The following DPP10 variants were observed in gnomAD, a reference collection of about 807,000 sequenced individuals.
The protein encoded by DPP10 is dipeptidyl peptidase like 10.
DPP10 carries 33 observed loss-of-function variants against 120.9 expected under a neutral mutation model. That is an observed-to-expected ratio of 0.27 (90% confidence interval 0.21 to 0.37). DPP10 has a LOEUF of 0.37. Ranked by LOEUF, DPP10 falls within the 10% of genes least tolerant of loss-of-function variation. The probability of loss-of-function intolerance (pLI) is 1.00; values close to 1 mark genes in which losing one functional copy is unlikely to be tolerated. For missense variants in DPP10, 816 were observed against 942.8 expected, an observed-to-expected ratio of 0.87 and a Z score of 1.76; for synonymous variants, 337 against 326.1, an observed-to-expected ratio of 1.03 and a Z score of -0.36.
chr2:115,151,360 G>A (rs2051539250), intron 1 of DPP10, among the ~76,000 whole-genome samples: 1 of 150,430 alleles, frequency 6.6e-6, no homozygotes, highest in South Asian at 2.1e-4. Context: ...TACACTATGA[G>A]ATTTTTCAGT....
chr2:114,520,105 G>A (rs888058391), intron 1 of DPP10, among the ~76,000 whole-genome samples: 2 of 152,182 alleles, frequency 1.3e-5, no homozygotes, highest in African/African-American at 4.8e-5. Context: ...TCCCTGGTCA[G>A]GAACAAAGCA....
chr2:115,631,527 G>C (rs2085870998), intron 5 of DPP10, among the ~76,000 whole-genome samples: 1 of 152,044 alleles, frequency 6.6e-6, no homozygotes, highest in African/African-American at 2.4e-5. Flanking sequence ...GCTCTTTCTA[G>C]CTTTTTGATG....
intron 1 of DPP10, among the ~76,000 whole-genome samples, chr2:115,118,807 G>T (rs1386444861): frequency 1.3e-5 from 2 of 151,042 alleles, no homozygotes; most frequent in Admixed American, 1.3e-4. Flanking sequence ...TAGAGATGGG[G>T]TTTCACCATG....
At chr2:114,569,450 C>CT (rs34013935) in intron 1 of DPP10, among the ~76,000 whole-genome samples, 29,440 of 152,070 alleles carry the variant, frequency 0.19, 2,963 homozygotes, top group Non-Finnish European at 0.21. Context: ...AGCAAATGTG[C>CT]TTTTAACTTA....
chr2:114,997,944 G>A (rs1574660538), intron 1 of DPP10, among the ~76,000 whole-genome samples: 1 of 152,244 alleles, frequency 6.6e-6, no homozygotes, highest in East Asian at 1.9e-4. Context: ...TAGTTTGAGG[G>A]TAACTTTATG....
chr2:115,677,385 A>G (rs995689884), intron 5 of DPP10, among the ~76,000 whole-genome samples: 1 of 148,646 alleles, frequency 6.7e-6, no homozygotes, highest in African/African-American at 2.5e-5. Context: ...AAAACACTAG[A>G]AAACAATGTA....
At chr2:114,897,801 T>C (rs372911355) in intron 1 of DPP10, among the ~76,000 whole-genome samples, 9 of 152,122 alleles carry the variant, frequency 5.9e-5, no homozygotes, top group South Asian at 4.2e-4. Flanking sequence ...CAATGAGATA[T>C]CATCTCACAC....
At chr2:115,812,507 A>C (rs1298620671) in intron 19 of DPP10, among the ~76,000 whole-genome samples, 1 of 152,238 alleles carries the variant, frequency 6.6e-6, no homozygotes, top group Non-Finnish European at 1.5e-5. Flanking sequence ...TTCCAGGCTT[A>C]CTTCTGAATG....
At chr2:115,162,992 C>T (rs551951013) in intron 1 of DPP10, among the ~76,000 whole-genome samples, 1 of 151,988 alleles carries the variant, frequency 6.6e-6, no homozygotes, top group Non-Finnish European at 1.5e-5. Context: ...TTAGGAACTC[C>T]GGGCAGAGAG....
Position 115,346,465 on chromosome 2 carries a change from A to T in DPP10, c.271+2553A>T, listed in dbSNP as rs183888931. ...GACATGTGTAGGTTATAGTGAGGCG[A>T]TGCCATTCATTATGCTTGGTCTCAA... On this transcript the variant is annotated intron_variant, in intron 3 of 25. Transcript: ENST00000410059. Among the ~76,000 whole-genome samples the T allele has an allele frequency of 5.9e-4, 90 of 152,210 alleles. 1 individual carries two copies. The highest frequency in any genetic ancestry group is 2.6e-3 in the Admixed American group (39 of 15,268).
At chr2:114,940,856 G>T (rs1696842968) in intron 1 of DPP10, among the ~76,000 whole-genome samples, 1 of 152,024 alleles carries the variant, frequency 6.6e-6, no homozygotes, top group South Asian at 2.1e-4. Context: ...CTACTCTCTG[G>T]CCTCTTAAAA....
At chr2:114,772,602 G>T (rs975300171) in intron 1 of DPP10, among the ~76,000 whole-genome samples, 5 of 151,732 alleles carry the variant, frequency 3.3e-5, no homozygotes, top group East Asian at 3.9e-4. Flanking sequence ...CGTAATTATT[G>T]TACTTTGAGG....
intron 1 of DPP10, among the ~76,000 whole-genome samples, chr2:114,808,203 C>A (rs1180580507): frequency 6.6e-6 from 1 of 151,826 alleles, no homozygotes; most frequent in Non-Finnish European, 1.5e-5. Flanking sequence ...TCCATGGATC[C>A]AGCATATTTT....
intron 1 of DPP10, among the ~76,000 whole-genome samples, chr2:115,062,256 T>G (rs898290225): frequency 1.3e-5 from 2 of 152,076 alleles, no homozygotes; most frequent in Non-Finnish European, 2.9e-5. Context: ...AAATTTTGTA[T>G]GAAGTATCTT....
intron 1 of DPP10, among the ~76,000 whole-genome samples, chr2:115,281,275 C>G (rs2105875704): frequency 6.6e-6 from 1 of 152,248 alleles, no homozygotes; most frequent in African/African-American, 2.4e-5. Context: ...CAAAAGTAAG[C>G]CTCTGTGCTT....
intron 1 of DPP10, among the ~76,000 whole-genome samples, chr2:115,268,330 A>G (rs2059546886): frequency 6.6e-6 from 1 of 152,222 alleles, no homozygotes; most frequent in South Asian, 2.1e-4. Flanking sequence ...TTGAAGAGGC[A>G]GTAAGTGACA....
intron 1 of DPP10, among the ~76,000 whole-genome samples, chr2:115,159,513 G>A (rs1272983381): frequency 6.6e-6 from 1 of 152,036 alleles, no homozygotes. Flanking sequence ...AAATGAAGTA[G>A]AACATCTTAC....
chr2:115,077,434 A>G (rs1054479316), intron 1 of DPP10, among the ~76,000 whole-genome samples: 1 of 152,152 alleles, frequency 6.6e-6, no homozygotes, highest in Non-Finnish European at 1.5e-5. Flanking sequence ...ATCTAACCTC[A>G]CCGGAAAACT....
chr2:115,031,722 C>T (rs76248021), intron 1 of DPP10, among the ~76,000 whole-genome samples: 42 of 152,112 alleles, frequency 2.8e-4, no homozygotes, highest in East Asian at 2.7e-3. Flanking sequence ...AATAATGTGA[C>T]GAAGCAGCTT....
Sources: allele counts gnomAD v4.1 joint callset (sites outside exome capture counted in the v4.1 genomes callset), GRCh38; gene constraint gnomAD v4.1.1; transcripts MANE v1.5; gene names NCBI Gene and HGNC (gene_info 2026-07-23, HGNC 2026-07-21).